Variants in FRAS1 observed in about 807,000 individuals in gnomAD.
FRAS1 encodes the protein extracellular matrix organizing protein FRAS1.
Under a neutral mutation model 435.2 loss-of-function variants are expected in FRAS1, and 290 were observed. The observed-to-expected ratio is 0.67, with a 90% confidence interval of 0.61 to 0.73. The LOEUF (loss-of-function observed/expected upper bound fraction) is 0.73. Ranked by LOEUF, FRAS1 falls within the 30% of genes least tolerant of loss-of-function variation. The probability of loss-of-function intolerance (pLI) is 0.00; values close to 1 mark genes in which losing one functional copy is unlikely to be tolerated. For missense variants in FRAS1, 4,860 were observed against 5,001.5 expected, an observed-to-expected ratio of 0.97 and a Z score of 0.85; for synonymous variants, 1,800 against 1,851.0, an observed-to-expected ratio of 0.97 and a Z score of 0.71.
chr4:78,392,034 C>A (rs943510542), intron 29 of FRAS1, among the ~76,000 whole-genome samples: 1 of 152,122 alleles, frequency 6.6e-6, no homozygotes, highest in African/African-American at 2.4e-5. Context: ...TCATAAGGTG[C>A]ATAATCAGAA....
chr4:78,082,648 G>C (rs1740948272), intron 2 of FRAS1, among the ~76,000 whole-genome samples: 1 of 151,872 alleles, frequency 6.6e-6, no homozygotes, highest in Non-Finnish European at 1.5e-5. Context: ...TTTTTCACTT[G>C]TCTAGATGTA....
intron 24 of FRAS1, 138 bp from the exon 25 acceptor site, chr4:78,373,973 T>C: frequency 1.5e-6 from 1 of 669,000 alleles, no homozygotes; most frequent in East Asian, 2.9e-5. Context: ...GAACCCAGAC[T>C]CCTTGACTCT....
At chr4:78,487,409 G>A (rs982050841) in intron 58 of FRAS1, among the ~76,000 whole-genome samples, 13 of 151,958 alleles carry the variant, frequency 8.6e-5, no homozygotes, top group Admixed American at 5.9e-4. Context: ...ATTCCCCCAC[G>A]TCCCCCAATC....
intron 2 of FRAS1, among the ~76,000 whole-genome samples, chr4:78,092,013 C>T: frequency 7.4e-6 from 1 of 135,064 alleles, no homozygotes. Context: ...AAAAAACAAA[C>T]TTGAAGTGAA....
At position 78,524,893 on chromosome 4, in the gene FRAS1, T is replaced by C. The variant is rs974612001; in HGVS notation, c.10809-1648T>C. 4.6e-5 allele frequency among the ~76,000 whole-genome samples: 7 copies of C among 152,142 alleles called. No individual in the cohort carries two copies. The South Asian group carries it at 1.2e-3, about 27-fold the overall frequency. On this transcript the variant is annotated intron_variant, in intron 69 of 73. Transcript: ENST00000512123. The stretch of plus-strand genomic sequence containing the variant: ...CAGAAATGGGGAGACATTATAATTT[T>C]AATTAGAATGTTCCCAGTAGACCTT...
chr4:78,407,015 A>C (rs1418912506), intron 30 of FRAS1, among the ~76,000 whole-genome samples: 1 of 152,214 alleles, frequency 6.6e-6, no homozygotes, highest in Non-Finnish European at 1.5e-5. Context: ...ACATTATATA[A>C]AATTACCTTC....
rs1389318162 is a variant in FRAS1 at position 78,254,740 on chromosome 4, A to G, written c.470-502A>G. Among the ~76,000 whole-genome samples, 3 of 141,016 alleles carry G rather than the reference A, an allele frequency of 2.1e-5. No homozygotes were observed. In the East Asian group the frequency reaches 6.6e-4, roughly 31 times the overall value. 92.5% of individuals were successfully genotyped at this position (141,016 alleles called of 152,430 possible). A position where few individuals can be genotyped will look rare whatever the true frequency, so the allele number is the denominator to read the frequency against. ...TCTTGTTCAAAAAGAAAGAGGAGAA[A>G]AAGCTTTTTTGTTGTTTTTTTGTTT... On this transcript the variant is annotated intron_variant, in intron 5 of 73. Transcript: ENST00000512123.
chr4:78,059,863 G>A (rs1198451719), intron 1 of FRAS1, among the ~76,000 whole-genome samples: 1 of 116,262 alleles, frequency 8.6e-6, no homozygotes, highest in Non-Finnish European at 1.7e-5. Context: ...GGGATGTGAA[G>A]CACAGAAAGC....
chr4:78,477,710 G>A, intron 54 of FRAS1, 105 bp from the exon 55 acceptor site: 15 of 1,407,012 alleles, frequency 1.1e-5, no homozygotes, highest in Non-Finnish European at 1.4e-5. Context: ...TTCAGTCAGT[G>A]CTCTGCCCAC....
At chr4:78,153,713 TC>T (rs1370797358) in intron 2 of FRAS1, among the ~76,000 whole-genome samples, 1 of 152,192 alleles carries the variant, frequency 6.6e-6, no homozygotes, top group African/African-American at 2.4e-5. Context: ...TACACTGTGT[TC>T]TTCAAAGTAT....
chr4:78,271,088 C>A (rs1294662961), intron 9 of FRAS1, among the ~76,000 whole-genome samples: 1 of 152,146 alleles, frequency 6.6e-6, no homozygotes, highest in Non-Finnish European at 1.5e-5. Context: ...ACATCCAGTG[C>A]ATCCAGAGAC....
chr4:78,417,164 A>G (rs986293151), intron 32 of FRAS1, among the ~76,000 whole-genome samples: 4 of 152,248 alleles, frequency 2.6e-5, no homozygotes, highest in Non-Finnish European at 5.9e-5. Context: ...AGTCCTTTTT[A>G]TATGTAGTAT....
chr4:78,520,768 C>T (rs1463913336), intron 67 of FRAS1, among the ~76,000 whole-genome samples: 2 of 152,106 alleles, frequency 1.3e-5, no homozygotes, highest in African/African-American at 4.8e-5. Context: ...ATGCAGAATC[C>T]ATGATGTAGA....
At chr4:78,385,643 TG>T (rs1429132515) in intron 28 of FRAS1, among the ~76,000 whole-genome samples, 3 of 152,130 alleles carry the variant, frequency 2.0e-5, no homozygotes, top group Non-Finnish European at 4.4e-5. Context: ...CCCAGCAATT[TG>T]GGAGGCTGAA....
chr4:78,057,771 G>C lies in FRAS1; in HGVS notation c.-239G>C, dbSNP rs907162275. The C allele has an allele frequency of 1.8e-6, 1 of 550,880 alleles. No homozygotes were observed. Among genetic ancestry groups the C allele is most frequent in the Non-Finnish European group, 3.2e-6 (1 of 310,016 alleles). 34.1% of individuals were successfully genotyped at this position (550,880 alleles called of 1,614,324 possible). On this transcript the variant is annotated 5_prime_UTR_variant, in exon 1 of 74. Coordinates refer to ENST00000512123, the MANE Select transcript of FRAS1 (RefSeq NM_025074.7). This position sits in a 1 kb window ranked among gnomAD's most constrained non-coding sequence, Gnocchi z 4.2. The stretch of plus-strand genomic sequence containing the variant: ...AGCTCACGTTGGCGTCCTGCCTTGC[G>C]GGGGAACTCGGCGCGCTCTCTGCCT...
intron 2 of FRAS1, among the ~76,000 whole-genome samples, chr4:78,198,915 C>T (rs539922059): frequency 2.6e-4 from 40 of 152,234 alleles, no homozygotes; most frequent in African/African-American, 9.2e-4. Context: ...ATATAACATA[C>T]AAAACATGTG....
Position 78,448,054 on chromosome 4 carries a change from T to G in FRAS1, c.6012T>G (p.Gly2004=). 3 of 1,605,752 alleles carry G rather than the reference T, an allele frequency of 1.9e-6. No homozygotes were observed. Among genetic ancestry groups the G allele is most frequent in the Non-Finnish European group, 1.7e-6 (2 of 1,175,522 alleles). ...GCTTTTCTTTACCTCTTCCCTCAGG[T>G]CATGTACTCTGGAGGCAAACTGCTT... ...IFVLTKKPDH[G]HVLWRQTASE... is the part of the protein sequence containing the mutation. The change falls in exon 44 of 74, where the codon GGT becomes GGG. Residue 2004 remains glycine, a splice_region_variant and synonymous_variant. Coordinates refer to ENST00000512123, the MANE Select transcript of FRAS1 (RefSeq NM_025074.7).
In FRAS1 at chr4:78,508,913, C is replaced by A. The variant is rs1229969023; in HGVS notation, c.9687C>A (p.Ser3229Arg). ...TCAACCAGACATCTGTGCAGTTCAG[C>A]TGGGAAGTGGCTGCCCCCACTGATG... ...AGINQTSVQF[S>R]WEVAAPTDGN... The change falls in exon 63 of 74, where the codon AGC becomes AGA. Residue 3229 changes from serine (S) to arginine (R), a missense_variant. Transcript: ENST00000512123. 1 of 1,613,974 alleles carries A rather than the reference C, an allele frequency of 6.2e-7. No homozygotes were observed. The highest frequency in any genetic ancestry group is 1.1e-5 in the South Asian group (1 of 91,080).
In FRAS1 at chr4:78,451,762, C is replaced by CT. The variant is rs746601364; in HGVS notation, c.6464-5dup. On this transcript the variant is annotated splice_polypyrimidine_tract_variant and intron_variant, in intron 45 of 73. Transcript: ENST00000512123. ...TAATAGCAAATCTTGATTTTTTTTC[C>CT]TTTTTATAGGCCACGTAGAATATAG... 1.3e-6 allele frequency: 2 copies of CT among 1,574,374 alleles called. No homozygotes were observed. The highest frequency in any genetic ancestry group is 8.6e-7 in the Non-Finnish European group (1 of 1,165,580).
Sources: gnomAD v4.1 joint callset for allele counts (sites outside exome capture counted in the v4.1 genomes callset) on GRCh38, gnomAD v4.1.1 for gene constraint, Gnocchi (gnomAD v3.1) non-coding constraint, MANE v1.5 for transcripts, NCBI Gene and HGNC (gene_info 2026-07-23, HGNC 2026-07-21) for gene names.